HDAC4: variants seen among roughly 807,000 people sequenced by gnomAD.
The protein encoded by HDAC4 is histone deacetylase 4, also known as histone deacetylase A.
In HDAC4, 16 loss-of-function variants were observed where a neutral mutation model predicts 135.1. That is an observed-to-expected ratio of 0.12 (90% CI 0.08 to 0.18). HDAC4 has a LOEUF of 0.18. HDAC4 is among the 10% of genes least tolerant of loss of function. The pLI is 1.00. For synonymous variants in HDAC4, 685 were observed against 653.4 expected, an observed-to-expected ratio of 1.05 and a Z score of -0.74; for missense variants, 1,143 against 1,511.8, an observed-to-expected ratio of 0.76 and a Z score of 4.05.
intron 4 of HDAC4, among the ~76,000 whole-genome samples, chr2:239,187,379 G>A (rs1437292010): frequency 1.3e-5 from 2 of 152,250 alleles, no homozygotes; most frequent in African/African-American, 2.4e-5. Flanking sequence ...GTCATAGAAT[G>A]TGAGCCTATG....
chr2:239,396,447 C>T (rs565059803), intron 1 of HDAC4, among the ~76,000 whole-genome samples: 1 of 152,206 alleles, frequency 6.6e-6, no homozygotes, highest in South Asian at 2.1e-4. Flanking sequence ...ATTATTATGA[C>T]CAGCAACAGG....
chr2:239,084,543 C>T (rs976555405), intron 19 of HDAC4, among the ~76,000 whole-genome samples: 4 of 118,184 alleles, frequency 3.4e-5, no homozygotes, highest in African/African-American at 8.4e-5. Flanking sequence ...GTCGGCTAAC[C>T]GACACGGACA....
intron 3 of HDAC4, among the ~76,000 whole-genome samples, chr2:239,215,301 C>T (rs2046572012): frequency 6.6e-6 from 1 of 152,174 alleles, no homozygotes; most frequent in South Asian, 2.1e-4. Context: ...CAAGTCAACA[C>T]TGGTGAGAGG....
intron 2 of HDAC4, among the ~76,000 whole-genome samples, chr2:239,335,024 CAAAA>C (rs35641548): frequency 1.1e-5 from 1 of 94,508 alleles, no homozygotes; most frequent in African/African-American, 4.3e-5. Flanking sequence ...GACTCCATCT[CAAAA>C]AAAAAAAAAA....
intron 2 of HDAC4, among the ~76,000 whole-genome samples, chr2:239,320,784 GT>G (rs2053282584): frequency 6.6e-6 from 1 of 152,156 alleles, no homozygotes; most frequent in African/African-American, 2.4e-5. Context: ...CACAGCTCTT[GT>G]TAAGACAAGG....
intron 1 of HDAC4, among the ~76,000 whole-genome samples, chr2:239,373,111 G>A (rs1478415624): frequency 1.3e-5 from 2 of 152,168 alleles, no homozygotes; most frequent in Non-Finnish European, 2.9e-5. Context: ...GCACAGCCCT[G>A]GGAGTGGGGG....
chr2:239,066,952 G>A, intron 23 of HDAC4, 97 bp from the exon 24 acceptor site: 8 of 1,479,152 alleles, frequency 5.4e-6, no homozygotes, highest in East Asian at 2.4e-5. Context: ...AAGACTGGGG[G>A]CTGGGGTGTC....
chr2:239,310,935 C>T (rs905860917), intron 2 of HDAC4, among the ~76,000 whole-genome samples: 4 of 152,222 alleles, frequency 2.6e-5, no homozygotes, highest in African/African-American at 9.6e-5. Flanking sequence ...GAAAACGAAC[C>T]CTGACGTTAA....
intron 3 of HDAC4, 61 bp from the exon 4 acceptor site, chr2:239,190,138 G>C (rs2044823624): frequency 1.3e-6 from 2 of 1,521,292 alleles, no homozygotes; most frequent in Admixed American, 1.8e-5. Context: ...CTGGGCCCCA[G>C]AGCCCCCACC....
intron 22 of HDAC4, among the ~76,000 whole-genome samples, chr2:239,079,728 G>C (rs1342562229): frequency 6.6e-6 from 1 of 152,026 alleles, no homozygotes; most frequent in Non-Finnish European, 1.5e-5. Context: ...ACACGTGTGT[G>C]TACTCATATA....
chr2:239,103,373 A>T (rs557296298), intron 15 of HDAC4, among the ~76,000 whole-genome samples: 68 of 152,286 alleles, frequency 4.5e-4, no homozygotes, highest in South Asian at 1.7e-3. Context: ...TCTGTCCTGG[A>T]TGGCTAGCTG....
rs143759453 is a variant in HDAC4 at position 239,279,223 on chromosome 2, T to G, written c.23-42559A>C. Among the ~76,000 whole-genome samples the G allele has an allele frequency of 2.8e-4, 42 of 152,356 alleles. No homozygotes were observed. In the East Asian group the frequency reaches 7.0e-3, roughly 25 times the overall value. ...CTGTTTCTCCCAGGAGACTCTGGGC[T>G]GCTAAGAAGGCAAAGCCTGAGGTCT... On this transcript the variant is annotated intron_variant, in intron 2 of 26. Coordinates refer to ENST00000543185, the MANE Select transcript of HDAC4 (RefSeq NM_001378414.1).
intron 11 of HDAC4, among the ~76,000 whole-genome samples, chr2:239,131,167 G>A (rs577348691): frequency 3.3e-5 from 5 of 152,236 alleles, no homozygotes; most frequent in Non-Finnish European, 2.9e-5. Flanking sequence ...TGCCCGGAGC[G>A]GTGCGGAAAG....
At position 239,389,882 on chromosome 2, in the gene HDAC4, G is replaced by A. The variant is rs112031209; in HGVS notation, c.-220+11096C>T. ...AGCCACTCGGTGCGCTCTGCACCCC[G>A]GTCACAGTGACTGGTTCAGAGTTCA... is the stretch of plus-strand genomic sequence containing the variant. On this transcript the variant is annotated intron_variant, in intron 1 of 26. Coordinates refer to ENST00000543185, the MANE Select transcript of HDAC4 (RefSeq NM_001378414.1). 2.4e-4 allele frequency among the ~76,000 whole-genome samples: 36 copies of A among 152,302 alleles called. No homozygotes were observed. In the South Asian group the frequency reaches 3.7e-3, roughly 16 times the overall value.
chr2:239,132,193 C>T (rs2040636283), intron 11 of HDAC4, among the ~76,000 whole-genome samples: 1 of 152,220 alleles, frequency 6.6e-6, no homozygotes, highest in Non-Finnish European at 1.5e-5. Context: ...CCACTTAACC[C>T]TCATCAGGCT....
At chr2:239,235,196 C>T (rs1204017661) in intron 3 of HDAC4, among the ~76,000 whole-genome samples, 1 of 151,050 alleles carries the variant, frequency 6.6e-6, no homozygotes, top group Non-Finnish European at 1.5e-5. Context: ...GCCCCCCGAA[C>T]ACCCCCCAAG....
At chr2:239,166,219 C>T (rs553952220) in intron 5 of HDAC4, among the ~76,000 whole-genome samples, 48 of 152,230 alleles carry the variant, frequency 3.2e-4, no homozygotes, top group Middle Eastern at 3.4e-3. Context: ...AGCAATGAGA[C>T]GCCTGGAAAC....
chr2:239,296,309 C>A (rs1445986258), intron 2 of HDAC4, among the ~76,000 whole-genome samples: 1 of 152,248 alleles, frequency 6.6e-6, no homozygotes, highest in Non-Finnish European at 1.5e-5. Context: ...GCACTCTGCC[C>A]AGAAGGAGGC....
At chr2:239,293,993 T>C (rs1356756879) in intron 2 of HDAC4, among the ~76,000 whole-genome samples, 1 of 152,214 alleles carries the variant, frequency 6.6e-6, no homozygotes, top group East Asian at 1.9e-4. Flanking sequence ...TAACTTGCCA[T>C]TTGTTAATTT....
Sources: allele counts gnomAD v4.1 joint callset (sites outside exome capture counted in the v4.1 genomes callset), GRCh38; gene constraint gnomAD v4.1.1; transcripts MANE v1.5; gene names NCBI Gene and HGNC (gene_info 2026-07-23, HGNC 2026-07-21).